NCAPG2: variants seen among roughly 807,000 people sequenced by gnomAD.
NCAPG2 encodes the protein non-SMC condensin II complex subunit G2.
NCAPG2 carries 53 observed loss-of-function variants against 141.1 expected under a neutral mutation model. The observed-to-expected ratio is 0.38, with a 90% CI of 0.30 to 0.47. The LOEUF (loss-of-function observed/expected upper bound fraction) is 0.47, where lower values mean the gene tolerates loss of function less well. Ranked by LOEUF, NCAPG2 falls within the 20% of genes least tolerant of loss-of-function variation. The pLI, the probability that NCAPG2 is intolerant of heterozygous loss-of-function variation, is 0.99. For synonymous variants in NCAPG2, 499 were observed against 490.7 expected (o/e 1.02, Z -0.22); for missense variants, 1,087 against 1,389.0 (o/e 0.78, Z 3.46).
intron 2 of NCAPG2, among the ~76,000 whole-genome samples, chr7:158,697,600 G>GAAAAAA (rs1835534772): frequency 7.8e-6 from 1 of 128,084 alleles, no homozygotes; most frequent in Non-Finnish European, 1.6e-5. Context: ...GGCTCCAACT[G>GAAAAAA]AAAAGAAAAA....
At chr7:158,672,242 G>A (rs1833733642) in intron 12 of NCAPG2, among the ~76,000 whole-genome samples, 1 of 138,142 alleles carries the variant, frequency 7.2e-6, no homozygotes, top group Admixed American at 7.5e-5. Context: ...CATTTTCACA[G>A]GTTTTTATTA....
At chr7:158,670,618 A>T (rs777668062) in intron 13 of NCAPG2, among the ~76,000 whole-genome samples, 5 of 152,176 alleles carry the variant, frequency 3.3e-5, no homozygotes, top group Non-Finnish European at 7.3e-5. Context: ...TATTTTACCC[A>T]TATCTGAGCA....
chr7:158,677,525 C>CAAAAAAAAAAAAAAAA, intron 11 of NCAPG2, among the ~76,000 whole-genome samples: 90 of 90,386 alleles, frequency 1.0e-3, no homozygotes, highest in Non-Finnish European at 1.2e-3. Flanking sequence ...AAAAATAAAG[C>CAAAAAAAAAAAAAAAA]AAAAAAAAAA....
chr7:158,636,697 C>T (rs945406940), intron 27 of NCAPG2, among the ~76,000 whole-genome samples: 9 of 152,090 alleles, frequency 5.9e-5, no homozygotes, highest in South Asian at 4.1e-4. Flanking sequence ...CCACTGTGCC[C>T]GGCCAACATT....
chr7:158,693,644 G>C, intron 2 of NCAPG2, 147 bp from the exon 3 acceptor site: 1 of 675,764 alleles, frequency 1.5e-6, no homozygotes, highest in Non-Finnish European at 2.4e-6. Context: ...TCCTAAAAGG[G>C]AAGAAGCACA....
At chr7:158,646,629 C>T in intron 24 of NCAPG2, 66 bp from the exon 25 acceptor site, 3 of 1,150,956 alleles carry the variant, frequency 2.6e-6, no homozygotes, top group Non-Finnish European at 2.5e-6. Flanking sequence ...AATTACATTG[C>T]TTTGGGTTTT....
intron 24 of NCAPG2, among the ~76,000 whole-genome samples, chr7:158,649,862 C>T (rs1355299971): frequency 2.0e-5 from 3 of 152,062 alleles, no homozygotes; most frequent in African/African-American, 7.2e-5. Flanking sequence ...GAAAACAACA[C>T]CCTGAATATT....
chr7:158,685,115 A>G (rs982598657), intron 8 of NCAPG2, among the ~76,000 whole-genome samples: 5 of 152,194 alleles, frequency 3.3e-5, no homozygotes, highest in Non-Finnish European at 7.3e-5. Context: ...ATGATTGAGA[A>G]CCTGGTATAA....
In NCAPG2 at chr7:158,674,287, AAT is replaced by A. The variant is rs773261944; in HGVS notation, c.1326+1188_1326+1189del. On this transcript the variant is annotated intron_variant, in intron 12 of 27. Coordinates refer to ENST00000356309, the MANE Select transcript of NCAPG2 (RefSeq NM_017760.7). ...GGTTGAATATGCACAGAAAAAAAAA[AAT>A]TTTTTTTTTTTTTTTGAGACAAGGT... Among the ~76,000 whole-genome samples, 667 of 136,822 alleles carry A rather than the reference AAT, an allele frequency of 4.9e-3. 33 individuals are homozygous for A. The East Asian group carries it at 0.11, about 24-fold the overall frequency. The allele number at this position is 136,822 out of a possible 152,430, so 89.8% of individuals were successfully genotyped here.
At chr7:158,651,104 G>A in intron 23 of NCAPG2, 132 bp from the exon 24 acceptor site, 1 of 920,532 alleles carries the variant, frequency 1.1e-6, no homozygotes. Flanking sequence ...TTGTTTGCCT[G>A]CTACCAGTGC....
chr7:158,637,901 T>C (rs1830396416), intron 27 of NCAPG2, among the ~76,000 whole-genome samples: 1 of 152,108 alleles, frequency 6.6e-6, no homozygotes, highest in South Asian at 2.1e-4. Context: ...CCCAGCACTT[T>C]GGGAGGCCGA....
chr7:158,665,944 G>A (rs1433575329), intron 13 of NCAPG2, among the ~76,000 whole-genome samples: 4 of 152,158 alleles, frequency 2.6e-5, no homozygotes, highest in Non-Finnish European at 5.9e-5. Context: ...AGTTACTGTA[G>A]TAAGGACAAT....
At chr7:158,695,876 GTGCT>G (rs761232302) in intron 2 of NCAPG2, among the ~76,000 whole-genome samples, 21 of 152,248 alleles carry the variant, frequency 1.4e-4, no homozygotes, top group Non-Finnish European at 3.1e-4. Flanking sequence ...GTGCAGCCCT[GTGCT>G]GTACAGAGCG....
chr7:158,669,288 T>C (rs1415630246), intron 13 of NCAPG2, among the ~76,000 whole-genome samples: 1 of 152,184 alleles, frequency 6.6e-6, no homozygotes, highest in Non-Finnish European at 1.5e-5. Context: ...ATATACCCAG[T>C]AATGGGATTC....
intron 5 of NCAPG2, 101 bp downstream of exon 5, chr7:158,690,467 C>T (rs1404782797): frequency 1.7e-6 from 2 of 1,194,658 alleles, no homozygotes; most frequent in Non-Finnish European, 2.4e-6. Context: ...ATTGCTCGAG[C>T]CCAGGAGTTT....
intron 24 of NCAPG2, among the ~76,000 whole-genome samples, chr7:158,648,883 C>T (rs1365166421): frequency 2.0e-5 from 3 of 152,090 alleles, no homozygotes; most frequent in Admixed American, 6.5e-5. Context: ...GGACTATAAC[C>T]ACGGCAAATG....
At chr7:158,682,525 A>T (rs1255007451) in intron 9 of NCAPG2, among the ~76,000 whole-genome samples, 1 of 152,232 alleles carries the variant, frequency 6.6e-6, no homozygotes, top group African/African-American at 2.4e-5. Context: ...ACTCAAAATT[A>T]ATATAATTAG....
At chr7:158,666,514 G>A (rs1832949429) in intron 13 of NCAPG2, among the ~76,000 whole-genome samples, 1 of 151,548 alleles carries the variant, frequency 6.6e-6, no homozygotes, top group Non-Finnish European at 1.5e-5. Context: ...TAAGAAGCAG[G>A]CTTAGAGTGA....
intron 8 of NCAPG2, among the ~76,000 whole-genome samples, chr7:158,685,908 T>C (rs923483741): frequency 9.2e-5 from 14 of 152,338 alleles, no homozygotes; most frequent in Middle Eastern, 3.4e-3. Context: ...TGATTCAGAC[T>C]GGCCACGTTC....
Sources: gnomAD v4.1 joint callset for allele counts (sites outside exome capture counted in the v4.1 genomes callset) on GRCh38, gnomAD v4.1.1 for gene constraint, MANE v1.5 for transcripts, NCBI Gene and HGNC (gene_info 2026-07-23, HGNC 2026-07-21) for gene names.